Variants in IL34 observed in about 807,000 individuals in gnomAD.
IL34 encodes the protein interleukin 34, also known as interleukin-34.
IL34 carries 17 observed loss-of-function variants against 25.3 expected under a neutral mutation model. That is an observed-to-expected ratio of 0.67 (90% CI 0.46 to 1.01). The LOEUF (loss-of-function observed/expected upper bound fraction) is 1.01, where lower values mean the gene tolerates loss of function less well. IL34 is among the 50% of genes least tolerant of loss of function. The pLI is 0.00. For synonymous variants in IL34, 174 were observed against 140.9 expected, an observed-to-expected ratio of 1.23 and a Z score of -1.66; for missense variants, 368 against 312.9, an observed-to-expected ratio of 1.18 and a Z score of -1.33.
At chr16:70,627,591 C>T (rs1164892955) in intron 1 of IL34, among the ~76,000 whole-genome samples, 7 of 152,044 alleles carry the variant, frequency 4.6e-5, no homozygotes, top group African/African-American at 1.7e-4. Context: ...AAGCAGTCCT[C>T]CCAAGTAGCT....
At chr16:70,657,514 C>G (rs1388054101) in intron 4 of IL34, among the ~76,000 whole-genome samples, 1 of 152,106 alleles carries the variant, frequency 6.6e-6, no homozygotes, top group Admixed American at 6.6e-5. Flanking sequence ...ATGCTGCAGG[C>G]CGGGCGCGGC....
At chr16:70,654,133 T>TC (rs1283804091) in intron 1 of IL34, 1 of 158,870 alleles carries the variant, frequency 6.3e-6, no homozygotes, top group Admixed American at 6.4e-5. Flanking sequence ...CCAGGATGAT[T>TC]CGATCTCCTG....
At chr16:70,589,475 G>A (rs767749739) in intron 1 of IL34, among the ~76,000 whole-genome samples, 4 of 152,076 alleles carry the variant, frequency 2.6e-5, no homozygotes, top group Non-Finnish European at 5.9e-5. Context: ...CCACTTATAA[G>A]TGAGAAAGTG....
rs572793666 is a variant in IL34, at chr16:70,611,121, G to A, written c.-401+31072G>A. On this transcript the variant is annotated intron_variant, in intron 1 of 6. Coordinates refer to the IL34 transcript ENST00000429149. Reference sequence around the variant, plus strand: ...AGCCTCCTGAGTAGCCGAGACTACAGGTGCGCACCACCACGCCTGTCTAAT... The same window carrying A: ...AGCCTCCTGAGTAGCCGAGACTACAAGTGCGCACCACCACGCCTGTCTAAT... Among the ~76,000 whole-genome samples, 273 of 152,286 alleles carry A rather than the reference G, an allele frequency of 1.8e-3. 1 individual carries two copies. The highest frequency in any genetic ancestry group is 6.1e-3 in the African/African-American group (252 of 41,564).
chr16:70,626,816 A>G (rs2051404250), intron 1 of IL34, among the ~76,000 whole-genome samples: 1 of 152,054 alleles, frequency 6.6e-6, no homozygotes, highest in South Asian at 2.1e-4. Flanking sequence ...CTTCCAGATG[A>G]CTTTTTTCAG....
intron 1 of IL34, among the ~76,000 whole-genome samples, chr16:70,637,890 C>A (rs556215866): frequency 6.6e-6 from 1 of 152,258 alleles, no homozygotes; most frequent in Non-Finnish European, 1.5e-5. Context: ...TCAGTATATA[C>A]CAGTTCTCAG....
At chr16:70,612,494 CAG>C (rs1283147048) in intron 1 of IL34, among the ~76,000 whole-genome samples, 1 of 152,206 alleles carries the variant, frequency 6.6e-6, no homozygotes, top group Non-Finnish European at 1.5e-5. Flanking sequence ...GTAATTACTC[CAG>C]AGACTTTAGT....
intron 1 of IL34, among the ~76,000 whole-genome samples, chr16:70,608,471 A>G (rs2051044376): frequency 1.3e-5 from 2 of 152,196 alleles, no homozygotes; most frequent in Admixed American, 6.6e-5. Flanking sequence ...CTGAAATTGC[A>G]TATGGGATTA....
chr16:70,654,486 G>T (rs1203049922), intron 1 of IL34, 52 bp from the exon 2 acceptor site: 10 of 1,545,236 alleles, frequency 6.5e-6, no homozygotes, highest in Admixed American at 3.6e-5. Flanking sequence ...GTTGTGGACG[G>T]CGTGGATGAG....
intron 1 of IL34, among the ~76,000 whole-genome samples, chr16:70,609,808 GT>G: frequency 6.6e-6 from 1 of 152,232 alleles, no homozygotes; most frequent in South Asian, 2.1e-4. Flanking sequence ...CATGGTCACT[GT>G]GCCTCTTGCA....
intron 1 of IL34, among the ~76,000 whole-genome samples, chr16:70,634,065 A>G (rs982299677): frequency 6.6e-6 from 1 of 151,156 alleles, no homozygotes; most frequent in African/African-American, 2.4e-5. Flanking sequence ...TGGCCAGGCT[A>G]GTCTCAAACA....
At chr16:70,654,295 G>A in intron 1 of IL34, 1 of 383,056 alleles carries the variant, frequency 2.6e-6, no homozygotes, top group Non-Finnish European at 4.7e-6. Context: ...GCCTCCTGGG[G>A]GGCTCCAGTG....
At chr16:70,613,612 A>C (rs2051126098) in intron 1 of IL34, among the ~76,000 whole-genome samples, 1 of 151,464 alleles carries the variant, frequency 6.6e-6, no homozygotes, top group African/African-American at 2.4e-5. Flanking sequence ...GGTGGCTCAC[A>C]CCTGTAATCC....
At chr16:70,651,883 T>C (rs2052088521) in intron 1 of IL34, among the ~76,000 whole-genome samples, 1 of 152,092 alleles carries the variant, frequency 6.6e-6, no homozygotes, top group African/African-American at 2.4e-5. Flanking sequence ...CCCAGCACTT[T>C]GGGAGGCTGA....
At position 70,646,897 on chromosome 16, in the gene IL34, C is replaced by T. The variant is rs1232267341; in HGVS notation, c.-51C>T. On this transcript the variant is annotated 5_prime_UTR_variant, in exon 1 of 6. Transcript: ENST00000288098. ...TAGGCCGTGCTTAGGCCTCTGTGGA[C>T]ACACTGCTGGGGACGGCGCCTGAGC... The T allele has an allele frequency of 1.4e-6, 2 of 1,470,714 alleles. No individual in the cohort carries two copies. The highest frequency in any genetic ancestry group is 9.0e-7 in the Non-Finnish European group (1 of 1,115,142). The allele number at this position is 1,470,714 out of a possible 1,614,324, so 91.1% of individuals were successfully genotyped here. A position where few individuals can be genotyped will look rare whatever the true frequency, so the allele number is the denominator to read the frequency against.
At chr16:70,654,326 G>C (rs2052157454) in intron 1 of IL34, 6 of 516,174 alleles carry the variant, frequency 1.2e-5, no homozygotes, top group Non-Finnish European at 2.0e-5. Context: ...GGTGGGTGTG[G>C]ACTCTCTGCA....
chr16:70,642,708 G>T (rs959626427), upstream of IL34, among the ~76,000 whole-genome samples: 1 of 152,152 alleles, frequency 6.6e-6, no homozygotes, highest in Non-Finnish European at 1.5e-5. Flanking sequence ...CACATTAGGG[G>T]TTACAACTTC....
At chr16:70,610,803 G>A (rs2051078918) in intron 1 of IL34, among the ~76,000 whole-genome samples, 1 of 152,222 alleles carries the variant, frequency 6.6e-6, no homozygotes, top group African/African-American at 2.4e-5. Context: ...AGTGGGTGAA[G>A]CTAGGGTGAG....
intron 1 of IL34, among the ~76,000 whole-genome samples, chr16:70,632,896 C>T (rs1399495799): frequency 1.3e-5 from 2 of 152,122 alleles, no homozygotes; most frequent in Admixed American, 1.3e-4. Context: ...CTGTTTCCAA[C>T]CAGCAATTTT....
Sources: gnomAD v4.1 joint callset for allele counts (sites outside exome capture counted in the v4.1 genomes callset) on GRCh38, gnomAD v4.1.1 for gene constraint, MANE v1.5 for transcripts, NCBI Gene and HGNC (gene_info 2026-07-23, HGNC 2026-07-21) for gene names.